Variants in MCF2L2 observed in about 807,000 individuals in gnomAD.
MCF2L2 encodes the protein MCF.2 cell line derived transforming sequence-like 2, also known as probable guanine nucleotide exchange factor MCF2L2.
In MCF2L2, 102 loss-of-function variants were observed where a neutral mutation model predicts 150.2. The observed-to-expected ratio is 0.68, with a 90% CI of 0.58 to 0.80. The LOEUF (loss-of-function observed/expected upper bound fraction) is 0.80, where lower values mean the gene tolerates loss of function less well. MCF2L2 is among the 30% of genes least tolerant of loss of function. The pLI is 0.00. For missense variants in MCF2L2, 1,256 were observed against 1,372.8 expected, an observed-to-expected ratio of 0.91 and a Z score of 1.34; for synonymous variants, 465 against 491.3, an observed-to-expected ratio of 0.95 and a Z score of 0.71.
chr3:183,189,178 G>A (rs919780309), intron 27 of MCF2L2, among the ~76,000 whole-genome samples: 1 of 152,196 alleles, frequency 6.6e-6, no homozygotes, highest in Non-Finnish European at 1.5e-5. Flanking sequence ...GCACTGCTGG[G>A]TTCAATTCTG....
intron 1 of MCF2L2, among the ~76,000 whole-genome samples, chr3:183,427,608 C>A (rs1716233666): frequency 6.7e-6 from 1 of 150,096 alleles, no homozygotes; most frequent in African/African-American, 2.5e-5. Flanking sequence ...CCGTCAGAAG[C>A]AGCTAACGGA....
chr3:183,378,175 G>A (rs967290731), intron 3 of MCF2L2: 1 of 152,186 alleles, frequency 6.6e-6, no homozygotes. Flanking sequence ...TAGAAGGCAG[G>A]TGGAAAGCAG....
intron 1 of MCF2L2, among the ~76,000 whole-genome samples, chr3:183,398,012 G>C (rs1265605209): frequency 6.6e-6 from 1 of 152,164 alleles, no homozygotes; most frequent in Non-Finnish European, 1.5e-5. Flanking sequence ...ATAGAGAACA[G>C]AATGTTGTTT....
At position 183,207,685 on chromosome 3, in the gene MCF2L2, T is replaced by G. The variant is rs373983056; in HGVS notation, c.2635A>C (p.Ile879Leu). The change falls in exon 23 of 30, where the codon ATA becomes CTA. Residue 879 changes from isoleucine (I) to leucine (L), a missense_variant. Transcript: ENST00000328913. Reference sequence around the variant, plus strand: ...TCCATTCGTATCTTACAGAACACTATTCCCCTTTCAAATAGGTAGATTTGC... The same window carrying G: ...TCCATTCGTATCTTACAGAACACTAGTCCCCTTTCAAATAGGTAGATTTGC... ...QRQIYLFERG[I>L]VFCKIRMEPG... The G allele has an allele frequency of 1.1e-5, 18 of 1,614,204 alleles. No individual in the cohort carries two copies. Among genetic ancestry groups the G allele is most frequent in the Non-Finnish European group, 1.4e-5 (17 of 1,179,996 alleles).
intron 27 of MCF2L2, among the ~76,000 whole-genome samples, chr3:183,189,693 C>G (rs1458834124): frequency 6.6e-6 from 1 of 152,222 alleles, no homozygotes; most frequent in Non-Finnish European, 1.5e-5. Context: ...GGAGACACTT[C>G]CACTAGGGAA....
intron 15 of MCF2L2, among the ~76,000 whole-genome samples, chr3:183,240,378 T>C (rs1723965355): frequency 6.6e-6 from 1 of 152,194 alleles, no homozygotes; most frequent in African/African-American, 2.4e-5. Context: ...TAAAGTTGCC[T>C]GCCACCATAC....
At chr3:183,335,127 AAAG>A (rs1346793745) in intron 5 of MCF2L2, among the ~76,000 whole-genome samples, 39 of 88,294 alleles carry the variant, frequency 4.4e-4, no homozygotes, top group African/African-American at 2.8e-3. Flanking sequence ...TAAAAAAAAA[AAAG>A]AAAAAGAAAA....
chr3:183,384,579 C>T (rs1713723902), intron 2 of MCF2L2, among the ~76,000 whole-genome samples: 2 of 152,186 alleles, frequency 1.3e-5, no homozygotes, highest in African/African-American at 2.4e-5. Context: ...ACAGGTCCGA[C>T]TCCCTGTGAT....
intron 27 of MCF2L2, among the ~76,000 whole-genome samples, chr3:183,185,003 G>A (rs947648101): frequency 1.8e-4 from 27 of 150,854 alleles, no homozygotes; most frequent in African/African-American, 6.4e-4. Flanking sequence ...TGCAACCTCC[G>A]CCTCCCGGGT....
intron 13 of MCF2L2, among the ~76,000 whole-genome samples, chr3:183,293,986 T>G (rs1412029981): frequency 6.6e-6 from 1 of 152,200 alleles, no homozygotes; most frequent in Admixed American, 6.5e-5. Context: ...AAAGTCAATA[T>G]TGGTAAGATA....
At chr3:183,326,485 T>TC (rs1322786291) in intron 5 of MCF2L2, among the ~76,000 whole-genome samples, 1 of 71,512 alleles carries the variant, frequency 1.4e-5, no homozygotes, top group Non-Finnish European at 2.4e-5. Context: ...AGAGTGAAAC[T>TC]CCGTCTCAAA....
At chr3:183,358,576 A>G (rs1711928434) in intron 3 of MCF2L2, among the ~76,000 whole-genome samples, 1 of 152,192 alleles carries the variant, frequency 6.6e-6, no homozygotes, top group East Asian at 1.9e-4. Context: ...CAATGAACTG[A>G]AAATTGAAGG....
At chr3:183,334,267 T>G (rs533676254) in intron 5 of MCF2L2, among the ~76,000 whole-genome samples, 1 of 152,318 alleles carries the variant, frequency 6.6e-6, no homozygotes, top group South Asian at 2.1e-4. Context: ...CTTTAATGGA[T>G]ACTAAAGAGA....
chr3:183,403,704 C>T (rs1384040637), intron 1 of MCF2L2, among the ~76,000 whole-genome samples: 1 of 152,214 alleles, frequency 6.6e-6, no homozygotes, highest in East Asian at 1.9e-4. Context: ...CAGGATCTGA[C>T]TCCTGAAGCT....
intron 14 of MCF2L2, among the ~76,000 whole-genome samples, chr3:183,288,801 G>A (rs958499789): frequency 6.6e-6 from 1 of 152,020 alleles, no homozygotes; most frequent in Admixed American, 6.6e-5. Flanking sequence ...TTTTATACAT[G>A]AACCATACAC....
At chr3:183,251,428 A>G (rs779045583) in intron 15 of MCF2L2, among the ~76,000 whole-genome samples, 7 of 151,688 alleles carry the variant, frequency 4.6e-5, no homozygotes, top group Non-Finnish European at 1.0e-4. Context: ...CATGTGCCTT[A>G]CTCTCTGATC....
At chr3:183,225,660 C>T (rs1172617158) in intron 18 of MCF2L2, 1 of 152,224 alleles carries the variant, frequency 6.6e-6, no homozygotes. Flanking sequence ...CCTTCCTAGA[C>T]TTCAGTTTCC....
At chr3:183,251,729 A>G (rs908594781) in intron 15 of MCF2L2, among the ~76,000 whole-genome samples, 2 of 151,830 alleles carry the variant, frequency 1.3e-5, no homozygotes, top group Non-Finnish European at 2.9e-5. Context: ...ATACCATCAA[A>G]TCTGTCATTC....
At chr3:183,417,521 C>T (rs1389818265) in intron 1 of MCF2L2, among the ~76,000 whole-genome samples, 1 of 152,152 alleles carries the variant, frequency 6.6e-6, no homozygotes, top group Admixed American at 6.5e-5. Flanking sequence ...ACATAATTAT[C>T]TTTACTGATG....
Sources: gnomAD v4.1 joint callset for allele counts (sites outside exome capture counted in the v4.1 genomes callset) on GRCh38, gnomAD v4.1.1 for gene constraint, MANE v1.5 for transcripts, NCBI Gene and HGNC (gene_info 2026-07-23, HGNC 2026-07-21) for gene names.